TMEM266: variants seen among roughly 807,000 people sequenced by gnomAD.
TMEM266 encodes the protein Hv1 related protein 1.
TMEM266 carries 33 observed loss-of-function variants against 50.5 expected under a neutral mutation model. That is an observed-to-expected ratio of 0.65 (90% CI 0.50 to 0.87). TMEM266 has a LOEUF of 0.87. Ranked by LOEUF, TMEM266 falls within the 40% of genes least tolerant of loss-of-function variation. The pLI is 0.00. For missense variants in TMEM266, 655 were observed against 695.1 expected, an observed-to-expected ratio of 0.94 and a Z score of 0.65; for synonymous variants, 310 against 292.3, an observed-to-expected ratio of 1.06 and a Z score of -0.62.
At chr15:76,151,047 G>A (rs2142042574) in intron 3 of TMEM266, among the ~76,000 whole-genome samples, 1 of 152,226 alleles carries the variant, frequency 6.6e-6, no homozygotes, top group African/African-American at 2.4e-5. Context: ...GGTATTTGCA[G>A]ACTCTGGCAG....
chr15:76,123,404 A>G (rs1008574510), intron 1 of TMEM266, among the ~76,000 whole-genome samples: 2 of 152,178 alleles, frequency 1.3e-5, no homozygotes, highest in Non-Finnish European at 2.9e-5. Context: ...TCCCCCTAGG[A>G]GCAGATTCTA....
At chr15:76,178,140 T>C (rs1046709182) in intron 8 of TMEM266, among the ~76,000 whole-genome samples, 8 of 152,112 alleles carry the variant, frequency 5.3e-5, no homozygotes, top group Admixed American at 1.3e-4. Context: ...TTGGGCTTTA[T>C]CCTGCTGGGA....
chr15:76,174,865 A>G (rs2038249064), intron 7 of TMEM266: 1 of 152,134 alleles, frequency 6.6e-6, no homozygotes, highest in Non-Finnish European at 1.5e-5. Context: ...ACCCCTTTTC[A>G]TTGCCAAGTA....
chr15:76,100,899 A>G (rs1258839568), intron 1 of TMEM266, among the ~76,000 whole-genome samples: 2 of 152,216 alleles, frequency 1.3e-5, no homozygotes, highest in East Asian at 1.9e-4. Context: ...TTGAAAGACC[A>G]CAACTAAATT....
intron 4 of TMEM266, among the ~76,000 whole-genome samples, chr15:76,157,936 C>T (rs1281871401): frequency 3.9e-5 from 6 of 152,040 alleles, no homozygotes; most frequent in Admixed American, 6.5e-5. Context: ...TGCAGTGAGC[C>T]GTGATCACGC....
chr15:76,133,992 A>C (rs1313394069), intron 1 of TMEM266, among the ~76,000 whole-genome samples, 176 bp from the exon 2 acceptor site: 1 of 152,188 alleles, frequency 6.6e-6, no homozygotes, highest in African/African-American at 2.4e-5. Flanking sequence ...TCATCTAAAA[A>C]AGAGAAATTA....
At chr15:76,093,298 C>T (rs1008883195) in intron 1 of TMEM266, among the ~76,000 whole-genome samples, 1 of 151,544 alleles carries the variant, frequency 6.6e-6, no homozygotes, top group Non-Finnish European at 1.5e-5. Context: ...AGCCCCCCAC[C>T]CCCCAACAGG....
chr15:76,159,186 C>G (rs191197527), intron 4 of TMEM266, among the ~76,000 whole-genome samples: 131 of 152,346 alleles, frequency 8.6e-4, no homozygotes, highest in African/African-American at 2.8e-3. Context: ...GGGGAGCCCT[C>G]TACCCTCTGG....
intron 1 of TMEM266, among the ~76,000 whole-genome samples, chr15:76,067,627 C>A (rs1433254011): frequency 2.0e-5 from 2 of 97,874 alleles, no homozygotes; most frequent in South Asian, 7.6e-4. Flanking sequence ...AGCAAGGCTG[C>A]GTCTCAAAAA....
chr15:76,078,876 A>G (rs904134271), intron 1 of TMEM266, among the ~76,000 whole-genome samples: 14 of 152,086 alleles, frequency 9.2e-5, no homozygotes, highest in Middle Eastern at 3.2e-3. Flanking sequence ...GCAGGGCCAC[A>G]CTCCCTGCAT....
At chr15:76,064,501 G>C (rs2036373939) in intron 1 of TMEM266, among the ~76,000 whole-genome samples, 3 of 152,194 alleles carry the variant, frequency 2.0e-5, no homozygotes, top group Admixed American at 1.3e-4. Flanking sequence ...ACTACACTGG[G>C]ATGCTAAAGG....
At chr15:76,134,441 A>G in intron 2 of TMEM266, 140 bp downstream of exon 2, 1 of 793,282 alleles carries the variant, frequency 1.3e-6, no homozygotes, top group South Asian at 2.3e-5. Flanking sequence ...AACCTTTCAA[A>G]AGCAAGACTC....
At chr15:76,082,134 T>C (rs2036703172) in intron 1 of TMEM266, among the ~76,000 whole-genome samples, 1 of 152,212 alleles carries the variant, frequency 6.6e-6, no homozygotes, top group Admixed American at 6.5e-5. Context: ...CCCACAACCC[T>C]GTAGCCTGCT....
intron 1 of TMEM266, among the ~76,000 whole-genome samples, chr15:76,126,908 G>A (rs946813136): frequency 2.0e-5 from 3 of 152,078 alleles, no homozygotes; most frequent in African/African-American, 7.2e-5. Flanking sequence ...CAGGGGTTGC[G>A]GGGGGCAGGT....
At chr15:76,098,299 A>G (rs546731484) in intron 1 of TMEM266, among the ~76,000 whole-genome samples, 1 of 151,954 alleles carries the variant, frequency 6.6e-6, no homozygotes, top group South Asian at 2.1e-4. Context: ...TGGTTGTGCT[A>G]TTCCTTTCTG....
chr15:76,203,725 C>T lies in TMEM266; in HGVS notation c.1022-16C>T. On this transcript the variant is annotated splice_polypyrimidine_tract_variant and intron_variant, in intron 10 of 10. Transcript: ENST00000388942. ...CAGAGGTTGAAGTGTGACCAAGATC[C>T]CCTCCTACCTTGCAGACAGCGGTGT... 8.7e-6 allele frequency: 14 copies of T among 1,603,114 alleles called. No homozygotes were observed. The highest frequency in any genetic ancestry group is 1.2e-5 in the Non-Finnish European group (14 of 1,172,428).
chr15:76,113,444 G>A (rs1040457651), intron 1 of TMEM266: 6 of 152,492 alleles, frequency 3.9e-5, no homozygotes, highest in African/African-American at 1.4e-4. Flanking sequence ...ACAGTGTAGA[G>A]AAGGATAAGG....
At chr15:76,098,546 A>G (rs2036954259) in intron 1 of TMEM266, among the ~76,000 whole-genome samples, 1 of 152,024 alleles carries the variant, frequency 6.6e-6, no homozygotes, top group Admixed American at 6.6e-5. Context: ...CCCAGTTAGG[A>G]TACACGGGGA....
chr15:76,114,645 T>C (rs1450623294), intron 1 of TMEM266, among the ~76,000 whole-genome samples: 1 of 152,276 alleles, frequency 6.6e-6, no homozygotes, highest in Non-Finnish European at 1.5e-5. Context: ...TGGACATCTT[T>C]CCTTGCCAAT....
Sources: gnomAD v4.1 joint callset for allele counts (sites outside exome capture counted in the v4.1 genomes callset) on GRCh38, gnomAD v4.1.1 for gene constraint, MANE v1.5 for transcripts, NCBI Gene and HGNC (gene_info 2026-07-23, HGNC 2026-07-21) for gene names.